PRICKLE2: variants seen among roughly 807,000 people sequenced by gnomAD.
PRICKLE2 encodes prickle planar cell polarity protein 2.
In PRICKLE2, 21 loss-of-function variants were observed where a neutral mutation model predicts 81.4. The ratio of observed to expected loss-of-function variants is 0.26; its 90% CI spans 0.18 to 0.37. The LOEUF is 0.37. PRICKLE2 is among the 10% of genes least tolerant of loss of function. The pLI is 1.00. For synonymous variants in PRICKLE2, 456 were observed against 421.5 expected, an observed-to-expected ratio of 1.08 and a Z score of -1.00; for missense variants, 940 against 1,109.0, an observed-to-expected ratio of 0.85 and a Z score of 2.16.
intron 2 of PRICKLE2, among the ~76,000 whole-genome samples, chr3:64,179,078 CTCTG>C (rs1049803900): frequency 2.0e-5 from 3 of 147,336 alleles, no homozygotes; most frequent in African/African-American, 7.5e-5. Context: ...TTCTCTCTCT[CTCTG>C]TCTCTTTCTT....
chr3:64,118,522 TA>T (rs2106963314), intron 7 of PRICKLE2, among the ~76,000 whole-genome samples: 1 of 151,952 alleles, frequency 6.6e-6, no homozygotes, highest in South Asian at 2.1e-4. Flanking sequence ...ACCACCCCAT[TA>T]AAAAGTGGGC....
At chr3:64,144,818 C>A (rs915336810) in intron 7 of PRICKLE2, among the ~76,000 whole-genome samples, 1 of 152,164 alleles carries the variant, frequency 6.6e-6, no homozygotes, top group Non-Finnish European at 1.5e-5. Context: ...GGGTCTATAA[C>A]CTGATCAATA....
At chr3:64,119,085 C>T (rs1009839413) in intron 7 of PRICKLE2, among the ~76,000 whole-genome samples, 4 of 152,048 alleles carry the variant, frequency 2.6e-5, no homozygotes, top group Admixed American at 1.3e-4. Flanking sequence ...ATGGATGGAG[C>T]TGGAGGCCAT....
At position 64,225,280 on chromosome 3, in the gene PRICKLE2, CA is replaced by C. The variant is rs2079015670; in HGVS notation, c.-412del. ...TCCTCTTAACTCCCCTTCTTCATGA[CA>C]ATCTGAAGGAAGAAGTCATAGACTC... On this transcript the variant is annotated 5_prime_UTR_variant, in exon 1 of 8. In the 5' UTR this introduces an upstream ATG that the reference lacks. Transcript: ENST00000638394. The C allele has an allele frequency of 1.0e-6, 1 of 985,506 alleles. No homozygotes were observed. Among genetic ancestry groups the C allele is most frequent in the African/African-American group, 1.7e-5 (1 of 57,356 alleles). 61.0% of individuals were successfully genotyped at this position (985,506 alleles called of 1,614,324 possible).
intron 2 of PRICKLE2, among the ~76,000 whole-genome samples, chr3:64,241,512 T>A (rs544023007): frequency 1.3e-5 from 2 of 152,382 alleles, no homozygotes; most frequent in South Asian, 4.1e-4. Flanking sequence ...ATGCATATTT[T>A]AACACCTACC....
At chr3:64,261,503 G>C (rs1413291096) in intron 2 of PRICKLE2, among the ~76,000 whole-genome samples, 1 of 152,118 alleles carries the variant, frequency 6.6e-6, no homozygotes, top group Admixed American at 6.6e-5. Context: ...AAGTGCTTTG[G>C]AGAAAAGTTG....
At position 64,160,012 on chromosome 3, in the gene PRICKLE2, C is replaced by T. The variant is rs756432765; in HGVS notation, c.324G>A (p.Arg108=). 4.3e-6 allele frequency: 7 copies of T among 1,614,168 alleles called. No individual in the cohort carries two copies. Among genetic ancestry groups the T allele is most frequent in the Non-Finnish European group, 5.9e-6 (7 of 1,180,020 alleles). The change falls in exon 4 of 8, where the codon AGG becomes AGA. Residue 108 remains arginine (R), a synonymous_variant. Coordinates refer to ENST00000638394, the MANE Select transcript of PRICKLE2 (RefSeq NM_198859.4). ...TCCCGCGGCCCAAGTTTTCGCGTTTCCTCTGGCTGCTGAAAAGCTTCAGCT... is the reference window on the plus strand; with the variant it reads ...TCCCGCGGCCCAAGTTTTCGCGTTTTCTCTGGCTGCTGAAAAGCTTCAGCT... The part of the protein sequence containing the change: ...KRELKLFSSQ[R]KRENLGRGNV...
At chr3:64,227,428 ACTACT>A (rs771604848), upstream of PRICKLE2, among the ~76,000 whole-genome samples, 74 of 152,294 alleles carry the variant, frequency 4.9e-4, no homozygotes, top group Admixed American at 1.0e-3. Context: ...AAATGGGTAC[ACTACT>A]CTCTCATCTA....
chr3:64,203,568 G>A (rs2078627773), intron 1 of PRICKLE2, among the ~76,000 whole-genome samples: 1 of 152,142 alleles, frequency 6.6e-6, no homozygotes, highest in Non-Finnish European at 1.5e-5. Context: ...ATGCCGGATG[G>A]ACATGATTTA....
Position 64,099,931 on chromosome 3 carries a change from G to T in PRICKLE2, c.1661-6C>A. ...ACCACCATCAGCAGAGAGGCCTGGG[G>T]AAGAGAGGAGGGGACCACAGAGATT... On this transcript the variant is annotated splice_region_variant and splice_polypyrimidine_tract_variant and intron_variant, in intron 7 of 7. Transcript: ENST00000638394. The surrounding 1 kb of genome is among the most constrained non-coding windows in gnomAD (Gnocchi z 4.3). 2 of 1,613,910 alleles carry T rather than the reference G, an allele frequency of 1.2e-6. No homozygotes were observed. The highest frequency in any genetic ancestry group is 1.1e-5 in the South Asian group (1 of 91,064).
intron 7 of PRICKLE2, among the ~76,000 whole-genome samples, chr3:64,123,461 C>T (rs2106971551): frequency 6.6e-6 from 1 of 152,162 alleles, no homozygotes; most frequent in East Asian, 1.9e-4. Flanking sequence ...AACTGGTAAG[C>T]CATATGCAAA....
chr3:64,208,406 C>T (rs2078727543), intron 1 of PRICKLE2, among the ~76,000 whole-genome samples: 1 of 152,162 alleles, frequency 6.6e-6, no homozygotes. Flanking sequence ...CCTTATACAT[C>T]CCTCGCAAAA....
rs570414154 is a variant in PRICKLE2 at position 64,141,783 on chromosome 3, G to C, written c.1660+5047C>G. 4 of 984,734 alleles carry C rather than the reference G, an allele frequency of 4.1e-6. No homozygotes were observed. The East Asian group carries it at 3.4e-4, about 84-fold the overall frequency. 61.0% of individuals were successfully genotyped at this position (984,734 alleles called of 1,614,324 possible). A position where few individuals can be genotyped will look rare whatever the true frequency, so the allele number is the denominator to read the frequency against. ...GTTCTGAGGAAAAATGCTGCCCACA[G>C]AAAGATCACACTTCATGCCAGATTA... On this transcript the variant is annotated intron_variant, in intron 7 of 7. Transcript: ENST00000638394.
intron 2 of PRICKLE2, among the ~76,000 whole-genome samples, chr3:64,175,617 A>C (rs1159047105): frequency 1.3e-5 from 2 of 152,162 alleles, no homozygotes; most frequent in African/African-American, 4.8e-5. Flanking sequence ...TAGTTTAGTC[A>C]TTTTGTTCAT....
At chr3:64,204,954 C>T (rs530270991) in intron 1 of PRICKLE2, among the ~76,000 whole-genome samples, 5 of 152,260 alleles carry the variant, frequency 3.3e-5, no homozygotes, top group South Asian at 4.1e-4. Flanking sequence ...CACACAGCAA[C>T]ACCCAACAGC....
At chr3:64,146,714 G>C in intron 7 of PRICKLE2, 116 bp downstream of exon 7, 1 of 1,194,182 alleles carries the variant, frequency 8.4e-7, no homozygotes, top group Non-Finnish European at 1.2e-6. Flanking sequence ...CTGCACTCCA[G>C]CCTGGGGGAC....
At chr3:64,267,481 T>G (rs2079728812) in intron 2 of PRICKLE2, among the ~76,000 whole-genome samples, 1 of 152,148 alleles carries the variant, frequency 6.6e-6, no homozygotes, top group African/African-American at 2.4e-5. Context: ...CTGGAGATGT[T>G]AAGAAATATT....
intron 4 of PRICKLE2, among the ~76,000 whole-genome samples, chr3:64,159,427 C>CAGAG (rs2077694857): frequency 6.6e-6 from 1 of 152,248 alleles, no homozygotes; most frequent in Non-Finnish European, 1.5e-5. Flanking sequence ...CTGCTCAATT[C>CAGAG]TTCCAATGGC....
At chr3:64,104,141 G>A (rs1412869053) in intron 7 of PRICKLE2, among the ~76,000 whole-genome samples, 1 of 152,184 alleles carries the variant, frequency 6.6e-6, no homozygotes. Context: ...CAGGGCAATA[G>A]CAGCTGGGGC....
Sources: gnomAD v4.1 joint callset for allele counts (sites outside exome capture counted in the v4.1 genomes callset) on GRCh38, gnomAD v4.1.1 for gene constraint, Gnocchi (gnomAD v3.1) non-coding constraint, MANE v1.5 for transcripts, NCBI Gene and HGNC (gene_info 2026-07-23, HGNC 2026-07-21) for gene names.